Variants in PTPN18 observed in about 807,000 individuals in gnomAD.
PTPN18 encodes tyrosine-protein phosphatase non-receptor type 18.
In PTPN18, 65 loss-of-function variants were observed where a neutral mutation model predicts 65.4. The observed-to-expected ratio is 0.99, with a 90% CI of 0.81 to 1.22. The LOEUF is 1.22. Ranked by LOEUF, PTPN18 falls within the 50% of genes most tolerant of loss-of-function variation. The probability of loss-of-function intolerance (pLI) is 0.00; values close to 1 mark genes in which losing one functional copy is unlikely to be tolerated. For synonymous variants in PTPN18, 255 were observed against 267.8 expected (o/e 0.95, Z 0.47); for missense variants, 616 against 646.5 (o/e 0.95, Z 0.51).
chr2:130,359,970 T>C (rs1680143333), intron 5 of PTPN18: 3 of 360,082 alleles, frequency 8.3e-6, no homozygotes, highest in Middle Eastern at 8.7e-4. Context: ...CTCTGGTCTC[T>C]GCTGTTCCCA....
At chr2:130,370,805 T>C (rs1347844516) in intron 10 of PTPN18, 23 bp downstream of exon 10, 3 of 1,613,124 alleles carry the variant, frequency 1.9e-6, no homozygotes, top group Admixed American at 3.3e-5. Flanking sequence ...TCTCCTAATC[T>C]TCAGGGACAG....
Position 130,370,577 on chromosome 2 carries a change from G to A in PTPN18, c.710G>A (p.Gly237Asp). Residue 237 changes from glycine (G) to aspartate (D), a missense_variant, in exon 9 of 15, where the codon GGC becomes GAC. Gly to Asp is a moderately conservative substitution (Grantham distance 94, BLOSUM62 -1). This residue lies in a region of PTPN18 where 368 missense variants were observed against 386.7 expected (regional missense o/e 0.95). Transcript: ENST00000175756. ...VHCSAGCGRT[G>D]VLCTVDYVRQ... ...GTCAGTGCGGGTTGTGGGCGAACAG[G>A]CGTCCTGTGCACCGTGGATTATGTG... 6.2e-7 allele frequency: 1 copy of A among 1,614,136 alleles called. No individual in the cohort carries two copies. The highest frequency in any genetic ancestry group is 8.5e-7 in the Non-Finnish European group (1 of 1,180,030).
Position 130,373,859 on chromosome 2 carries a change from A to C in PTPN18, c.*635A>C, listed in dbSNP as rs1186120068. Reference sequence around the variant, plus strand: ...AGAGAGACCACCAAACAGAGCCCCCAAAAGACAGACATCTCTGCTAGCTGG... The same window carrying C: ...AGAGAGACCACCAAACAGAGCCCCCCAAAGACAGACATCTCTGCTAGCTGG... On this transcript the variant is annotated 3_prime_UTR_variant, in exon 15 of 15. Coordinates refer to ENST00000175756, the MANE Select transcript of PTPN18 (RefSeq NM_014369.4). The surrounding 1 kb of genome is among the most constrained non-coding windows in gnomAD (Gnocchi z 4.1). The C allele has an allele frequency of 1.3e-5, 2 of 153,924 alleles. No homozygotes were observed. Among genetic ancestry groups the C allele is most frequent in the African/African-American group, 4.9e-5 (2 of 41,206 alleles). The allele number at this position is 153,924 out of a possible 1,614,324, so 9.5% of individuals were successfully genotyped here. A position where few individuals can be genotyped will look rare whatever the true frequency, so the allele number is the denominator to read the frequency against.
At chr2:130,359,690 G>C in intron 5 of PTPN18, 44 bp downstream of exon 5, 2 of 1,599,546 alleles carry the variant, frequency 1.3e-6, no homozygotes, top group African/African-American at 1.3e-5. Flanking sequence ...TGTGGGAGGA[G>C]GGAGGAGGGA....
chr2:130,372,428 C>T lies in PTPN18; in HGVS notation c.1185C>T (p.Arg395=), dbSNP rs1419835243. The change falls in exon 13 of 15, where the codon CGC becomes CGT. Residue 395 remains arginine (R), a synonymous_variant. Coordinates refer to ENST00000175756, the MANE Select transcript of PTPN18 (RefSeq NM_014369.4). ...CGCTCTACAGCAAGGTGACGCCGCG[C>T]GCCCAGCGACCCGGGGCGCACGCGG... ...EAPLYSKVTP[R]AQRPGAHAED... The T allele has an allele frequency of 8.0e-6, 11 of 1,366,754 alleles. No homozygotes were observed. In the South Asian group the frequency reaches 1.9e-4, roughly 23 times the overall value. The allele number at this position is 1,366,754 out of a possible 1,614,324, so 84.7% of individuals were successfully genotyped here. A position where few individuals can be genotyped will look rare whatever the true frequency, so the allele number is the denominator to read the frequency against.
chr2:130,359,223 C>T lies in PTPN18; in HGVS notation c.203-10C>T. 6.2e-7 allele frequency: 1 copy of T among 1,613,914 alleles called. No individual in the cohort carries two copies. Among genetic ancestry groups the T allele is most frequent in the Non-Finnish European group, 8.5e-7 (1 of 1,179,998 alleles). On this transcript the variant is annotated splice_polypyrimidine_tract_variant and intron_variant, in intron 2 of 14. Coordinates refer to ENST00000175756, the MANE Select transcript of PTPN18 (RefSeq NM_014369.4). ...CCAAACTCCACGTTTCTCACCTTAT[C>T]TGCTGACAGATGATCAGACGCGAGT...
chr2:130,362,675 C>T (rs1680254264), intron 5 of PTPN18, among the ~76,000 whole-genome samples: 1 of 152,100 alleles, frequency 6.6e-6, no homozygotes, highest in South Asian at 2.1e-4. Flanking sequence ...ATATACTCCA[C>T]AGTACACTGC....
rs765773438 is a variant in PTPN18 at position 130,373,172 on chromosome 2, T to C, written c.1331T>C (p.Ile444Thr). 53 of 1,600,334 alleles carry C rather than the reference T, an allele frequency of 3.3e-5. No homozygotes were observed. Among genetic ancestry groups the C allele is most frequent in the Non-Finnish European group, 4.2e-5 (49 of 1,173,154 alleles). ...QTGGLGFNLR[I>T]GRPKGPRDPP... Reference sequence around the variant, plus strand: ...CTTCTCCCAGGTTTCAACCTGCGCATTGGGAGGCCGAAGGGTCCCCGGGAC... The same window carrying C: ...CTTCTCCCAGGTTTCAACCTGCGCACTGGGAGGCCGAAGGGTCCCCGGGAC... The change falls in exon 15 of 15, where the codon ATT (isoleucine) becomes ACT (threonine). Residue 444 changes from isoleucine (I) to threonine (T), a missense_variant. Coordinates refer to ENST00000175756, the MANE Select transcript of PTPN18 (RefSeq NM_014369.4). This position sits in a 1 kb window ranked among gnomAD's most constrained non-coding sequence, Gnocchi z 4.1.
rs927318252 is a variant in PTPN18 at position 130,356,143 on chromosome 2, G to A, written c.36G>A (p.Leu12=). The change falls in exon 1 of 15, where the codon CTG becomes CTA. Residue 12 remains leucine, a synonymous_variant. Transcript: ENST00000175756. Reference sequence around the variant, plus strand: ...GCCTGGACTCGGCGCGGAGCTTCCTGGAGCGGCTGGAAGCGCGGGGCGGCC... The same window carrying A: ...GCCTGGACTCGGCGCGGAGCTTCCTAGAGCGGCTGGAAGCGCGGGGCGGCC... ...SRSLDSARSF[L]ERLEARGGRE... is the part of the protein sequence containing the mutation. 4 of 1,314,706 alleles carry A rather than the reference G, an allele frequency of 3.0e-6. No individual in the cohort carries two copies. Among genetic ancestry groups the A allele is most frequent in the South Asian group, 2.1e-5 (1 of 46,770 alleles). 81.4% of individuals were successfully genotyped at this position (1,314,706 alleles called of 1,614,324 possible). A position where few individuals can be genotyped will look rare whatever the true frequency, so the allele number is the denominator to read the frequency against.
intron 5 of PTPN18, among the ~76,000 whole-genome samples, chr2:130,364,104 C>T (rs1680311610): frequency 1.3e-5 from 2 of 152,176 alleles, no homozygotes; most frequent in Admixed American, 1.3e-4. Flanking sequence ...TAAACCATTT[C>T]AAGTGTACAA....
At chr2:130,365,116 A>G (rs970330866) in intron 5 of PTPN18, among the ~76,000 whole-genome samples, 2 of 152,336 alleles carry the variant, frequency 1.3e-5, no homozygotes, top group Non-Finnish European at 2.9e-5. Context: ...TATATTTTTC[A>G]TATGGAAAAC....
rs1680098455 is a variant in PTPN18, at chr2:130,359,041, G to A, written c.202+66G>A. ...CGCCCTGCCACGTCCAGGCGTCAGT[G>A]TGCACTGGAGTCACCCACTGTGCTC... is the stretch of plus-strand genomic sequence containing the variant. On this transcript the variant is annotated intron_variant, in intron 2 of 14. Transcript: ENST00000175756. 4 of 1,542,622 alleles carry A rather than the reference G, an allele frequency of 2.6e-6. No individual in the cohort carries two copies. In the African/African-American group the frequency reaches 5.4e-5, roughly 21 times the overall value.
intron 1 of PTPN18, 49 bp downstream of exon 1, chr2:130,356,249 G>A (rs978875718): frequency 4.8e-5 from 59 of 1,240,292 alleles, no homozygotes; most frequent in South Asian, 2.6e-4. Flanking sequence ...CCCTGGCCCT[G>A]CGTACGCCTG....
intron 5 of PTPN18, among the ~76,000 whole-genome samples, chr2:130,367,472 G>A (rs538655334): frequency 2.0e-4 from 30 of 151,980 alleles, no homozygotes; most frequent in Non-Finnish European, 4.0e-4. Context: ...TCAGGAGTTC[G>A]AGACCAGCCC....
chr2:130,357,587 T>C (rs1485197602), intron 1 of PTPN18, among the ~76,000 whole-genome samples: 1 of 152,210 alleles, frequency 6.6e-6, no homozygotes, highest in Non-Finnish European at 1.5e-5. Context: ...CCGGGCACGG[T>C]GGCTCACGCC....
Position 130,371,203 on chromosome 2 carries a change from G to A in PTPN18, c.929G>A (p.Cys310Tyr). ...TCCCCTCCTGTTTTTCTTCAGAATTGTGCCCCACTCTACGACGATGCCCTC... is the reference window on the plus strand; with the variant it reads ...TCCCCTCCTGTTTTTCTTCAGAATTATGCCCCACTCTACGACGATGCCCTC... ...SPHYQNIKEN[C>Y]APLYDDALFL... The change falls in exon 12 of 15, where the codon TGT becomes TAT. Residue 310 changes from cysteine to tyrosine, a missense_variant. This residue lies in a region of PTPN18 where 368 missense variants were observed against 386.7 expected (regional missense o/e 0.95). Transcript: ENST00000175756. The A allele has an allele frequency of 6.2e-7, 1 of 1,606,728 alleles. No individual in the cohort carries two copies. Among genetic ancestry groups the A allele is most frequent in the Non-Finnish European group, 8.5e-7 (1 of 1,175,072 alleles).
At chr2:130,365,660 A>G (rs1260513781) in intron 5 of PTPN18, among the ~76,000 whole-genome samples, 5 of 152,216 alleles carry the variant, frequency 3.3e-5, no homozygotes, top group Non-Finnish European at 7.3e-5. Flanking sequence ...GGTCATAAAG[A>G]CTTACTCCTG....
At chr2:130,360,010 T>G in intron 5 of PTPN18, 1 of 279,892 alleles carries the variant, frequency 3.6e-6, no homozygotes, top group South Asian at 4.8e-5. Context: ...CCTCAGGGTC[T>G]GTGCCTTGGC....
chr2:130,367,123 A>T (rs7579287), intron 5 of PTPN18, among the ~76,000 whole-genome samples: 9,262 of 143,964 alleles, frequency 0.064, 366 homozygotes, highest in Admixed American at 0.084. Context: ...AGTGGCCTCA[A>T]GCAATCCTCC....
Sources: gnomAD v4.1 joint callset for allele counts (sites outside exome capture counted in the v4.1 genomes callset) on GRCh38, gnomAD v4.1.1 for gene constraint, gnomAD v4.1.1 regional missense constraint, Gnocchi (gnomAD v3.1) non-coding constraint, MANE v1.5 for transcripts, NCBI Gene and HGNC (gene_info 2026-07-23, HGNC 2026-07-21) for gene names.